SLCO1B1: variants seen among roughly 807,000 people sequenced by gnomAD.
SLCO1B1 encodes the protein OATP-2.
In SLCO1B1, 81 loss-of-function variants were observed where a neutral mutation model predicts 70.1. The observed-to-expected ratio is 1.16, with a 90% confidence interval of 0.97 to 1.39. SLCO1B1 has a LOEUF of 1.39. Ranked by LOEUF, SLCO1B1 falls within the 40% of genes most tolerant of loss-of-function variation. The probability of loss-of-function intolerance (pLI) is 0.00; values close to 1 mark genes in which losing one functional copy is unlikely to be tolerated. For missense variants in SLCO1B1, 895 were observed against 799.6 expected (o/e 1.12, Z -1.44); for synonymous variants, 283 against 271.5 (o/e 1.04, Z -0.42).
At chr12:21,234,134 A>AG (rs1461129289) in intron 14 of SLCO1B1, among the ~76,000 whole-genome samples, 4 of 152,102 alleles carry the variant, frequency 2.6e-5, no homozygotes, top group African/African-American at 4.8e-5. Flanking sequence ...TTTGGTGGGT[A>AG]GGGGGGCCAG....
chr12:21,141,578 G>T lies in SLCO1B1; in HGVS notation c.4G>T (p.Asp2Tyr), dbSNP rs901600794. M[D>Y]QNQHLNKTAE... is the part of the protein sequence containing the mutation. ...GTATGATATCTATATTTCAATCATGGACCAAAATCAACATTTGAATAAAAC... is the reference window on the plus strand; with the variant it reads ...GTATGATATCTATATTTCAATCATGTACCAAAATCAACATTTGAATAAAAC... Residue 2 changes from aspartate (D) to tyrosine (Y), a missense_variant, in exon 2 of 15, where the codon GAC becomes TAC. Transcript: ENST00000256958. 5 of 1,603,872 alleles carry T rather than the reference G, an allele frequency of 3.1e-6. No individual in the cohort carries two copies. Among genetic ancestry groups the T allele is most frequent in the African/African-American group, 2.7e-5 (2 of 74,652 alleles).
At position 21,164,735 on chromosome 12, in the gene SLCO1B1, G is replaced by A. The variant is rs546147350; in HGVS notation, c.85-7915G>A. 7.0e-5 allele frequency: 31 copies of A among 445,064 alleles called. No individual in the cohort carries two copies. In the East Asian group the frequency reaches 1.1e-3, roughly 15 times the overall value. 27.6% of individuals were successfully genotyped at this position (445,064 alleles called of 1,614,324 possible). A position where few individuals can be genotyped will look rare whatever the true frequency, so the allele number is the denominator to read the frequency against. ...CTTCCTATTTTGTTTTAAGTATTTT[G>A]TGTCTTCAATATCTAAGCTTCTATA... On this transcript the variant is annotated intron_variant, in intron 2 of 14. Transcript: ENST00000256958.
intron 7 of SLCO1B1, among the ~76,000 whole-genome samples, chr12:21,179,538 G>A (rs924712734): frequency 3.9e-5 from 6 of 152,110 alleles, no homozygotes; most frequent in African/African-American, 7.2e-5. Context: ...TAAAGCAGAG[G>A]ACACATAAAT....
At chr12:21,230,202 A>C (rs1484295651) in intron 14 of SLCO1B1, among the ~76,000 whole-genome samples, 1 of 152,162 alleles carries the variant, frequency 6.6e-6, no homozygotes, top group Non-Finnish European at 1.5e-5. Context: ...CAGTCTTGGA[A>C]ACCTGAGGGA....
intron 10 of SLCO1B1, among the ~76,000 whole-genome samples, chr12:21,204,819 G>C (rs55695203): frequency 0.18 from 26,700 of 151,702 alleles, 2,668 homozygotes; most frequent in East Asian, 0.44. Flanking sequence ...ATTGTGTCCA[G>C]GCATGGTGGA....
At chr12:21,191,848 A>G (rs942368290) in intron 7 of SLCO1B1, among the ~76,000 whole-genome samples, 6 of 152,128 alleles carry the variant, frequency 3.9e-5, no homozygotes, top group Admixed American at 3.9e-4. Context: ...GTTGGATTTT[A>G]TCAAATGCTG....
At chr12:21,138,953 G>A (rs557821258) in intron 1 of SLCO1B1, among the ~76,000 whole-genome samples, 11 of 152,182 alleles carry the variant, frequency 7.2e-5, no homozygotes, top group East Asian at 5.8e-4. Flanking sequence ...ATTTTGTGTC[G>A]TTAAAGGGAT....
At chr12:21,211,149 C>A (rs148393988) in intron 11 of SLCO1B1, among the ~76,000 whole-genome samples, 1 of 152,042 alleles carries the variant, frequency 6.6e-6, no homozygotes, top group African/African-American at 2.4e-5. Flanking sequence ...AGTTTTCAAA[C>A]GGAATGCTTC....
At position 21,197,109 on chromosome 12, in the gene SLCO1B1, T is replaced by C. The variant is rs1565679481; in HGVS notation, c.891T>C (p.His297=). 1.2e-6 allele frequency: 2 copies of C among 1,613,712 alleles called. No homozygotes were observed. The highest frequency in any genetic ancestry group is 8.5e-7 in the Non-Finnish European group (1 of 1,179,716). ...QKERKASLSL[H]VLETNDEKDQ... ...AAAGAAAAGCTTCACTGTCTTTGCA[T>C]GTGCTGGAAACAAATGATGAAAAGG... Residue 297 remains histidine, a synonymous_variant, in exon 8 of 15, where the codon CAT becomes CAC. Transcript: ENST00000256958.
At chr12:21,220,669 C>T (rs1941412899) in intron 12 of SLCO1B1, among the ~76,000 whole-genome samples, 1 of 151,898 alleles carries the variant, frequency 6.6e-6, no homozygotes, top group African/African-American at 2.4e-5. Flanking sequence ...TGTCCTCAAA[C>T]TAATAAAGCA....
intron 2 of SLCO1B1, among the ~76,000 whole-genome samples, chr12:21,154,317 C>G (rs1367573005): frequency 6.6e-6 from 1 of 151,982 alleles, no homozygotes; most frequent in Non-Finnish European, 1.5e-5. Flanking sequence ...AAATTAGTGT[C>G]CTTATGAAAG....
chr12:21,231,833 T>C (rs1048273464), intron 14 of SLCO1B1, among the ~76,000 whole-genome samples: 1 of 152,086 alleles, frequency 6.6e-6, no homozygotes, highest in African/African-American at 2.4e-5. Flanking sequence ...TTAAGCTGAC[T>C]TTTAGCTATA....
At chr12:21,199,231 T>C (rs1430697250) in intron 8 of SLCO1B1, among the ~76,000 whole-genome samples, 1 of 152,166 alleles carries the variant, frequency 6.6e-6, no homozygotes, top group Non-Finnish European at 1.5e-5. Flanking sequence ...GAGAAAAATA[T>C]TTCAAAGTCC....
At chr12:21,152,533 C>CTTTTTTTTTTTGTTTT (rs1940485675) in intron 2 of SLCO1B1, among the ~76,000 whole-genome samples, 1 of 34,358 alleles carries the variant, frequency 2.9e-5, no homozygotes, top group Non-Finnish European at 5.2e-5. Flanking sequence ...AGAGGAGAGG[C>CTTTTTTTTTTTGTTTT]TTTTTTTTTT....
chr12:21,195,634 G>A (rs1941082604), intron 7 of SLCO1B1, among the ~76,000 whole-genome samples: 1 of 151,938 alleles, frequency 6.6e-6, no homozygotes, highest in South Asian at 2.1e-4. Context: ...TGAAATGTTA[G>A]GTTTGTGGTC....
At chr12:21,195,935 A>C (rs1466594112) in intron 7 of SLCO1B1, among the ~76,000 whole-genome samples, 1 of 152,188 alleles carries the variant, frequency 6.6e-6, no homozygotes, top group Non-Finnish European at 1.5e-5. Context: ...CTGGAGATGC[A>C]GTTTTCTTAC....
At chr12:21,223,695 C>A (rs1941454870) in intron 13 of SLCO1B1, among the ~76,000 whole-genome samples, 1 of 151,854 alleles carries the variant, frequency 6.6e-6, no homozygotes, top group Non-Finnish European at 1.5e-5. Flanking sequence ...CAATCACTAT[C>A]ATTTTATCCA....
chr12:21,141,482 T>C (rs756740126), intron 1 of SLCO1B1, 32 bp from the exon 2 acceptor site: 7 of 709,704 alleles, frequency 9.9e-6, no homozygotes, highest in Non-Finnish European at 1.5e-5. Context: ...ATTGTAAAAA[T>C]AAAATAAACT....
chr12:21,195,190 A>G (rs1325379665), intron 7 of SLCO1B1, among the ~76,000 whole-genome samples: 2 of 152,024 alleles, frequency 1.3e-5, no homozygotes, highest in Non-Finnish European at 2.9e-5. Flanking sequence ...TCTTCATTCA[A>G]CCCCAGCAGA....
Sources: allele counts gnomAD v4.1 joint callset (sites outside exome capture counted in the v4.1 genomes callset), GRCh38; gene constraint gnomAD v4.1.1; transcripts MANE v1.5; gene names NCBI Gene and HGNC (gene_info 2026-07-23, HGNC 2026-07-21).